Variants in SYTL3 observed in about 807,000 individuals in gnomAD.
SYTL3 encodes the protein synaptotagmin-like protein 3.
SYTL3 carries 88 observed loss-of-function variants against 82.1 expected under a neutral mutation model. That is an observed-to-expected ratio of 1.07 (90% confidence interval 0.90 to 1.28). The LOEUF (loss-of-function observed/expected upper bound fraction) is 1.28, where lower values mean the gene tolerates loss of function less well. SYTL3 is among the 50% of genes most tolerant of loss of function. SYTL3 has a pLI of 0.00. For synonymous variants in SYTL3, 311 were observed against 289.4 expected, an observed-to-expected ratio of 1.07 and a Z score of -0.76; for missense variants, 831 against 757.6, an observed-to-expected ratio of 1.10 and a Z score of -1.14.
At position 158,714,254 on chromosome 6, in the gene SYTL3, A is replaced by G. The variant is rs139441916; in HGVS notation, c.595+376A>G. The stretch of plus-strand genomic sequence containing the variant: ...GTAATCCCAGCTACTGGGGAAGCTG[A>G]GGCAGGAGAATCACTTGAACCCAGG... On this transcript the variant is annotated intron_variant, in intron 9 of 17. Transcript: ENST00000611299. Among the ~76,000 whole-genome samples, 552 of 152,306 alleles carry G rather than the reference A, an allele frequency of 3.6e-3. 30 individuals carry two copies. In the East Asian group the frequency reaches 0.086, roughly 24 times the overall value.
At chr6:158,747,591 C>A (rs1360941841) in intron 12 of SYTL3, among the ~76,000 whole-genome samples, 1 of 152,180 alleles carries the variant, frequency 6.6e-6, no homozygotes. Flanking sequence ...TTGGGAGGCA[C>A]ATGCTTGTAG....
chr6:158,758,168 C>T (rs183942605), intron 14 of SYTL3, among the ~76,000 whole-genome samples: 3 of 152,214 alleles, frequency 2.0e-5, no homozygotes, highest in South Asian at 2.1e-4. Context: ...AGCCTGGACA[C>T]GGTGGCTCTT....
At chr6:158,646,912 G>T (rs936206947), upstream of SYTL3, among the ~76,000 whole-genome samples, 1 of 152,134 alleles carries the variant, frequency 6.6e-6, no homozygotes, top group Non-Finnish European at 1.5e-5. Context: ...GCCCCACCAC[G>T]ATCCTGAGCC....
At chr6:158,719,505 G>A (rs1783822667) in intron 10 of SYTL3, among the ~76,000 whole-genome samples, 1 of 152,230 alleles carries the variant, frequency 6.6e-6, no homozygotes. Context: ...AGTCTATGCT[G>A]TGAAGTTCTC....
chr6:158,762,210 G>T (rs765892714), intron 16 of SYTL3, 32 bp downstream of exon 16: 5 of 1,510,112 alleles, frequency 3.3e-6, no homozygotes, highest in Non-Finnish European at 4.6e-6. Context: ...ATATTTATTG[G>T]TGATCTAGTA....
At chr6:158,680,817 G>C (rs1013762847) in intron 5 of SYTL3, among the ~76,000 whole-genome samples, 3 of 152,128 alleles carry the variant, frequency 2.0e-5, no homozygotes, top group Admixed American at 1.3e-4. Context: ...CTAAGTATTG[G>C]TAGTAATCAT....
At chr6:158,682,400 C>G (rs1449682105) in intron 5 of SYTL3, among the ~76,000 whole-genome samples, 1 of 144,060 alleles carries the variant, frequency 6.9e-6, no homozygotes, top group Admixed American at 7.0e-5. Flanking sequence ...GGCTCTGCCG[C>G]CCAGGCTGGA....
At chr6:158,672,901 C>G (rs1052099735) in intron 5 of SYTL3, among the ~76,000 whole-genome samples, 4 of 152,076 alleles carry the variant, frequency 2.6e-5, no homozygotes, top group African/African-American at 9.7e-5. Context: ...TCTCAAACTG[C>G]TGGAATTTCA....
intron 2 of SYTL3, among the ~76,000 whole-genome samples, chr6:158,661,065 A>C (rs764358929): frequency 6.6e-6 from 1 of 152,178 alleles, no homozygotes; most frequent in Non-Finnish European, 1.5e-5. Flanking sequence ...AAAATAAATA[A>C]ATGAAAACTC....
In SYTL3 at chr6:158,653,826, C is replaced by G. The variant is rs112271199; in HGVS notation, c.-637+1984C>G. 3.5e-3 allele frequency among the ~76,000 whole-genome samples: 526 copies of G among 152,358 alleles called. 2 individuals are homozygous for G. Among genetic ancestry groups the G allele is most frequent in the African/African-American group, 0.012 (489 of 41,572 alleles). On this transcript the variant is annotated intron_variant, in intron 2 of 17. Transcript: ENST00000611299. ...TACCGCAGATCTCTGCATTTCCACT[C>G]TGGTGACGTTTCCCCCGTACCAGGG...
At chr6:158,664,342 T>C (rs1338272058) in intron 4 of SYTL3, among the ~76,000 whole-genome samples, 1 of 152,104 alleles carries the variant, frequency 6.6e-6, no homozygotes, top group African/African-American at 2.4e-5. Context: ...GTCAGGAGTT[T>C]GAGACCAGCC....
At chr6:158,756,704 C>T (rs1416790787) in intron 13 of SYTL3, among the ~76,000 whole-genome samples, 2 of 130,482 alleles carry the variant, frequency 1.5e-5, no homozygotes, top group Non-Finnish European at 3.1e-5. Flanking sequence ...GAGCGAGATC[C>T]TGTCTCAAAA....
chr6:158,717,991 C>T (rs1382645717), intron 9 of SYTL3, 96 bp from the exon 10 acceptor site: 1 of 1,254,230 alleles, frequency 8.0e-7, no homozygotes, highest in African/African-American at 1.5e-5. Flanking sequence ...CCTTGGGACC[C>T]ACTGTCTGTG....
At chr6:158,648,999 AG>A (rs1583095816), upstream of SYTL3, among the ~76,000 whole-genome samples, 1 of 152,118 alleles carries the variant, frequency 6.6e-6, no homozygotes, top group East Asian at 1.9e-4. Context: ...GGCTGCTCTG[AG>A]CTTCTTGGGT....
At chr6:158,694,768 C>T (rs764053719) in intron 6 of SYTL3, among the ~76,000 whole-genome samples, 8 of 152,138 alleles carry the variant, frequency 5.3e-5, no homozygotes, top group African/African-American at 9.7e-5. Context: ...GCTTTCTGAG[C>T]GCCTGCGTTC....
intron 5 of SYTL3, among the ~76,000 whole-genome samples, chr6:158,667,756 A>AAACC (rs1467127264): frequency 6.6e-6 from 1 of 152,216 alleles, no homozygotes; most frequent in Non-Finnish European, 1.5e-5. Context: ...GCAATGACCA[A>AAACC]AACCAACCAA....
intron 2 of SYTL3, among the ~76,000 whole-genome samples, chr6:158,653,587 A>G (rs1270713491): frequency 1.3e-5 from 2 of 152,212 alleles, no homozygotes; most frequent in Admixed American, 6.5e-5. Context: ...CAGTCACTCA[A>G]CTTTTCCCCT....
intron 11 of SYTL3, 25 bp from the exon 12 acceptor site, chr6:158,745,455 T>C (rs978615486): frequency 1.8e-5 from 28 of 1,590,294 alleles, no homozygotes; most frequent in Non-Finnish European, 2.2e-5. Context: ...AAGTAACTTA[T>C]TATATCTGTT....
Position 158,763,318 on chromosome 6 carries a change from C to T in SYTL3, c.1532C>T (p.Pro511Leu). 8 of 1,614,180 alleles carry T rather than the reference C, an allele frequency of 5.0e-6. No individual in the cohort carries two copies. Among genetic ancestry groups the T allele is most frequent in the Non-Finnish European group, 6.8e-6 (8 of 1,180,028 alleles). The part of the protein sequence containing the change: ...NSFVKGCLTL[P>L]DQQKLRLKSP... ...TCCCTCTTCAGCTGTCTCACTCTGC[C>T]AGACCAACAAAAACTGAGACTGAAG... The change falls in exon 17 of 18, where the codon CCA becomes CTA. Residue 511 changes from proline to leucine, a missense_variant. Transcript: ENST00000611299.
Sources: gnomAD v4.1 joint callset for allele counts (sites outside exome capture counted in the v4.1 genomes callset) on GRCh38, gnomAD v4.1.1 for gene constraint, MANE v1.5 for transcripts, NCBI Gene and HGNC (gene_info 2026-07-23, HGNC 2026-07-21) for gene names.